The following MAPK10 variants were observed in gnomAD, a reference collection of about 807,000 sequenced individuals.
MAPK10 encodes JNK3 alpha protein kinase.
Under a neutral mutation model 59.3 loss-of-function variants are expected in MAPK10, and 25 were observed. The observed-to-expected ratio is 0.42, with a 90% CI of 0.31 to 0.59. MAPK10 has a LOEUF of 0.59. MAPK10 is among the 20% of genes least tolerant of loss of function. The pLI is 0.15. For synonymous variants in MAPK10, 190 were observed against 200.5 expected, an observed-to-expected ratio of 0.95 and a Z score of 0.44; for missense variants, 351 against 568.9, an observed-to-expected ratio of 0.62 and a Z score of 3.90.
At chr4:86,564,058 C>A (rs1760883791) in intron 1 of MAPK10, among the ~76,000 whole-genome samples, 1 of 152,174 alleles carries the variant, frequency 6.6e-6, no homozygotes, top group Non-Finnish European at 1.5e-5. Context: ...TCTCGAACTC[C>A]TGACCTCAGG....
At chr4:86,088,960 G>T (rs564336048) in intron 9 of MAPK10, among the ~76,000 whole-genome samples, 7 of 152,280 alleles carry the variant, frequency 4.6e-5, no homozygotes, top group African/African-American at 1.2e-4. Flanking sequence ...TGGTAGAACT[G>T]AATTAAGGCA....
rs369529718 is a variant in MAPK10 at position 86,426,572 on chromosome 4, G to A, written c.-122+26458C>T. 9.2e-5 allele frequency among the ~76,000 whole-genome samples: 14 copies of A among 152,298 alleles called. No individual in the cohort carries two copies. In the East Asian group the frequency reaches 1.9e-3, roughly 21 times the overall value. On this transcript the variant is annotated intron_variant, in intron 1 of 13. Transcript: ENST00000361569. ...TTGGTTCAACCCACCAGTTCCACAA[G>A]TTGGGAAAATGTTACATACTGCAGC...
chr4:86,498,117 GT>G lies in MAPK10; in HGVS notation c.-263+95792del, dbSNP rs1195157265. 9.8e-5 allele frequency among the ~76,000 whole-genome samples: 15 copies of G among 152,334 alleles called. 1 individual carries two copies. The highest frequency in any genetic ancestry group is 3.6e-4 in the African/African-American group (15 of 41,576). ...TTTTGGCTGCTGTCATGAGATAAAA[GT>G]CAGTGGCCTTATGCCACAGTTTTCA... On this transcript the variant is annotated intron_variant, in intron 1 of 4. Transcript: ENST00000502302.
intron 11 of MAPK10, among the ~76,000 whole-genome samples, chr4:86,044,330 C>T (rs2042123581): frequency 6.6e-6 from 1 of 152,112 alleles, no homozygotes; most frequent in Non-Finnish European, 1.5e-5. Context: ...ATACTGCTGC[C>T]TAGATCCCAC....
intron 1 of MAPK10, among the ~76,000 whole-genome samples, chr4:86,378,480 C>A (rs1740161465): frequency 2.4e-5 from 2 of 84,168 alleles, no homozygotes; most frequent in African/African-American, 3.5e-5. Flanking sequence ...TTCTTTACAG[C>A]AGTTACTCTT....
chr4:86,465,577 C>A lies in MAPK10; in HGVS notation c.-262-110933G>T, dbSNP rs151174052. 3.0e-4 allele frequency among the ~76,000 whole-genome samples: 46 copies of A among 152,342 alleles called. 1 individual carries two copies. The East Asian group carries it at 8.7e-3, about 29-fold the overall frequency. ...GCTGAACAGCATCTACAGAAACCAG[C>A]TGCAAAGACAGAGGCAGAACAACTC... On this transcript the variant is annotated intron_variant, in intron 1 of 4. Transcript: ENST00000502302.
chr4:86,101,980 C>A lies in MAPK10; in HGVS notation c.478G>T (p.Glu160Ter). The change falls in exon 7 of 14, where the codon GAA (glutamate) becomes TAA (stop). Residue 160 changes from glutamate (E) to a stop codon, truncating the protein, a stop_gained. Coordinates refer to ENST00000641462, the MANE Select transcript of MAPK10 (RefSeq NM_138982.4). LOFTEE classifies it high-confidence loss of function. ...DANLCQVIQM[E>*]LDHERMSYLL... The stretch of plus-strand genomic sequence containing the variant: ...TAAGACATTCGCTCATGGTCTAATT[C>A]CATCTGAATCACTTGACATAAGTTG... 6.2e-7 allele frequency: 1 copy of A among 1,613,946 alleles called. No individual in the cohort carries two copies. Among genetic ancestry groups the A allele is most frequent in the Non-Finnish European group, 8.5e-7 (1 of 1,179,846 alleles).
intron 2 of MAPK10, among the ~76,000 whole-genome samples, chr4:86,215,991 A>C (rs775494394): frequency 3.9e-5 from 6 of 152,140 alleles, no homozygotes; most frequent in Non-Finnish European, 8.8e-5. Flanking sequence ...GAATGTGGAG[A>C]GATATGAACC....
rs369381429 is a variant in MAPK10, at chr4:86,239,058, G to C, written c.-6-44651C>G. Reference sequence around the variant, plus strand: ...TTTATTGAGAGTTTTTAACCCGAAGGGATGTTGAATTTTATTAAAGGCCTT... The same window carrying C: ...TTTATTGAGAGTTTTTAACCCGAAGCGATGTTGAATTTTATTAAAGGCCTT... On this transcript the variant is annotated intron_variant, in intron 2 of 13. Coordinates refer to ENST00000641462, the MANE Select transcript of MAPK10 (RefSeq NM_138982.4). Among the ~76,000 whole-genome samples the C allele has an allele frequency of 7.9e-5, 12 of 152,194 alleles. No individual in the cohort carries two copies. The East Asian group carries it at 1.5e-3, about 20-fold the overall frequency.
chr4:86,233,024 G>C (rs1338847999), intron 2 of MAPK10, among the ~76,000 whole-genome samples: 1 of 152,146 alleles, frequency 6.6e-6, no homozygotes, highest in Non-Finnish European at 1.5e-5. Context: ...TGTTCCAAGA[G>C]TTTTCATGTA....
At chr4:86,269,600 T>C (rs2094366826) in intron 2 of MAPK10, among the ~76,000 whole-genome samples, 1 of 152,140 alleles carries the variant, frequency 6.6e-6, no homozygotes, top group Admixed American at 6.6e-5. Context: ...CCTTCATTTA[T>C]TAATTCACAT....
chr4:86,060,290 C>A (rs1052603117), intron 11 of MAPK10, among the ~76,000 whole-genome samples: 1 of 152,176 alleles, frequency 6.6e-6, no homozygotes, highest in Non-Finnish European at 1.5e-5. Flanking sequence ...CCCTCTCCTG[C>A]TCCCTCTCCC....
intron 1 of MAPK10, among the ~76,000 whole-genome samples, chr4:86,368,451 T>G (rs1464694438): frequency 6.6e-6 from 1 of 152,230 alleles, no homozygotes. Context: ...AGCATCATGT[T>G]GCAATCACTT....
chr4:86,225,915 T>C (rs905221536), intron 2 of MAPK10, among the ~76,000 whole-genome samples: 1 of 152,198 alleles, frequency 6.6e-6, no homozygotes, highest in African/African-American at 2.4e-5. Flanking sequence ...GATATATGTA[T>C]ACATATAGAC....
At chr4:86,566,440 G>A (rs953306294) in intron 1 of MAPK10, among the ~76,000 whole-genome samples, 20 of 152,180 alleles carry the variant, frequency 1.3e-4, no homozygotes, top group Admixed American at 5.9e-4. Context: ...TAGGCCGGGC[G>A]CGGTGGCTCA....
intron 1 of MAPK10, among the ~76,000 whole-genome samples, chr4:86,440,574 G>A (rs1749290596): frequency 6.6e-6 from 1 of 150,848 alleles, no homozygotes; most frequent in Non-Finnish European, 1.5e-5. Context: ...AGGCTGTAGT[G>A]AGCTGATCAC....
chr4:86,477,493 C>G (rs890003516), intron 1 of MAPK10, among the ~76,000 whole-genome samples: 1 of 152,038 alleles, frequency 6.6e-6, no homozygotes, highest in African/African-American at 2.4e-5. Flanking sequence ...TATAAGATAC[C>G]TCTACTCTCT....
chr4:86,114,634 G>T (rs1288503405), intron 4 of MAPK10, among the ~76,000 whole-genome samples: 3 of 152,228 alleles, frequency 2.0e-5, no homozygotes, highest in Non-Finnish European at 2.9e-5. Context: ...GGCAACCCCT[G>T]TTGGGAGGTC....
chr4:86,375,040 AT>A (rs1468674200), intron 1 of MAPK10, among the ~76,000 whole-genome samples: 7 of 152,334 alleles, frequency 4.6e-5, no homozygotes, highest in East Asian at 3.9e-4. Context: ...GAGCTCAATG[AT>A]TTTTAGACAC....
Sources: allele counts gnomAD v4.1 joint callset (sites outside exome capture counted in the v4.1 genomes callset), GRCh38; gene constraint gnomAD v4.1.1; transcripts MANE v1.5; gene names NCBI Gene and HGNC (gene_info 2026-07-23, HGNC 2026-07-21).